UBQLN1: variants seen among roughly 807,000 people sequenced by gnomAD.
The protein encoded by UBQLN1 is ubiquilin 1.
A neutral mutation model predicts 65.4 loss-of-function variants in UBQLN1; 13 were observed. That is an observed-to-expected ratio of 0.20 (90% CI 0.13 to 0.32). The LOEUF (loss-of-function observed/expected upper bound fraction) is 0.32. Ranked by LOEUF, UBQLN1 falls within the 10% of genes least tolerant of loss-of-function variation. The pLI, the probability that UBQLN1 is intolerant of heterozygous loss-of-function variation, is 1.00. For missense variants in UBQLN1, 561 were observed against 724.0 expected (o/e 0.77, Z 2.58); for synonymous variants, 267 against 247.8 (o/e 1.08, Z -0.73).
chr9:83,681,281 T>G (rs1831935804), intron 3 of UBQLN1, among the ~76,000 whole-genome samples: 2 of 152,250 alleles, frequency 1.3e-5, no homozygotes, highest in African/African-American at 4.8e-5. Context: ...TAAAATTACA[T>G]AACCAACTAA....
intron 10 of UBQLN1, 24 bp from the exon 11 acceptor site, chr9:83,661,963 T>G (rs778218868): frequency 6.3e-7 from 1 of 1,598,720 alleles, no homozygotes; most frequent in South Asian, 1.1e-5. Flanking sequence ...AAAAAATTAA[T>G]CCAACTCTAA....
intron 1 of UBQLN1, among the ~76,000 whole-genome samples, chr9:83,690,168 C>T (rs1832103026): frequency 6.6e-6 from 1 of 152,196 alleles, no homozygotes; most frequent in African/African-American, 2.4e-5. Flanking sequence ...ACCAATATTA[C>T]TTGTATTGGC....
At chr9:83,662,147 T>C (rs1030851344) in intron 10 of UBQLN1, among the ~76,000 whole-genome samples, 5 of 152,086 alleles carry the variant, frequency 3.3e-5, no homozygotes, top group African/African-American at 7.2e-5. Flanking sequence ...TAAATAATCA[T>C]GTCAAATAGA....
At chr9:83,706,528 TA>T (rs1564175730) in intron 1 of UBQLN1, among the ~76,000 whole-genome samples, 1 of 152,200 alleles carries the variant, frequency 6.6e-6, no homozygotes, top group East Asian at 1.9e-4. Context: ...GGGAAACTGA[TA>T]GGTACATTTC....
chr9:83,699,873 G>T (rs1325846597), intron 1 of UBQLN1, among the ~76,000 whole-genome samples: 1 of 152,162 alleles, frequency 6.6e-6, no homozygotes, highest in Non-Finnish European at 1.5e-5. Context: ...CCAGTTTGCT[G>T]GCCTCTGCCC....
At chr9:83,666,457 T>C in intron 7 of UBQLN1, 24 bp from the exon 8 acceptor site, 1 of 1,608,576 alleles carries the variant, frequency 6.2e-7, no homozygotes, top group Non-Finnish European at 8.5e-7. Context: ...GTTCAAACAA[T>C]TTTAACTGGA....
chr9:83,682,199 C>T (rs781606776), intron 3 of UBQLN1, among the ~76,000 whole-genome samples: 5 of 151,942 alleles, frequency 3.3e-5, no homozygotes, highest in African/African-American at 4.8e-5. Flanking sequence ...GCAGAAGAAT[C>T]GCTTGAACCC....
chr9:83,706,213 G>GC (rs772554482), intron 1 of UBQLN1, among the ~76,000 whole-genome samples: 17 of 152,160 alleles, frequency 1.1e-4, no homozygotes, highest in Admixed American at 5.2e-4. Flanking sequence ...ACTGATACGT[G>GC]CAACTTACTC....
At chr9:83,678,223 G>A (rs984612817) in intron 5 of UBQLN1, among the ~76,000 whole-genome samples, 15 of 152,026 alleles carry the variant, frequency 9.9e-5, no homozygotes, top group East Asian at 1.9e-4. Flanking sequence ...GGATTTCACC[G>A]TATTAGCCAG....
At position 83,660,470 on chromosome 9, in the gene UBQLN1, C is replaced by G. The variant is rs1831545524; in HGVS notation, c.*1317G>C. 1 of 152,538 alleles carries G rather than the reference C, an allele frequency of 6.6e-6. No homozygotes were observed. Among genetic ancestry groups the G allele is most frequent in the Non-Finnish European group, 1.5e-5 (1 of 68,034 alleles). The allele number at this position is 152,538 out of a possible 1,614,324, so 9.4% of individuals were successfully genotyped here. Reference sequence around the variant, plus strand: ...CCACCCCAACAGTTTGGGAGTTAGGCAAACAGAATTCTTTGGGGGAGGGAA... The same window carrying G: ...CCACCCCAACAGTTTGGGAGTTAGGGAAACAGAATTCTTTGGGGGAGGGAA... On this transcript the variant is annotated 3_prime_UTR_variant, in exon 11 of 11. Coordinates refer to ENST00000376395, the MANE Select transcript of UBQLN1 (RefSeq NM_013438.5).
chr9:83,670,391 T>C (rs963585642), intron 6 of UBQLN1, among the ~76,000 whole-genome samples: 1 of 152,190 alleles, frequency 6.6e-6, no homozygotes, highest in African/African-American at 2.4e-5. Flanking sequence ...AGTTTTTTTT[T>C]CACATCCTAG....
At position 83,678,552 on chromosome 9, in the gene UBQLN1, C is replaced by A; in HGVS notation, c.759G>T (p.Arg253Ser). The change falls in exon 5 of 11, where the codon AGG becomes AGT. Residue 253 changes from arginine (R) to serine (S), a missense_variant. By Grantham distance (110) the Arg-to-Ser change is moderately radical (BLOSUM62 -1). Transcript: ENST00000376395. ...RNPAMMQEMMRNQDRALSNLE... is the reference protein window; with the variant it reads ...RNPAMMQEMMSNQDRALSNLE... ...GGTTGCTCAAAGCTCGGTCCTGGTTCCTCATCATCTCCTGCATCATTGCTG... is the reference window on the plus strand; with the variant it reads ...GGTTGCTCAAAGCTCGGTCCTGGTTACTCATCATCTCCTGCATCATTGCTG... The A allele has an allele frequency of 6.2e-7, 1 of 1,613,614 alleles. No homozygotes were observed. Among genetic ancestry groups the A allele is most frequent in the Non-Finnish European group, 8.5e-7 (1 of 1,179,806 alleles).
intron 7 of UBQLN1, 130 bp downstream of exon 7, chr9:83,669,055 A>G (rs1021227969): frequency 5.5e-6 from 6 of 1,087,970 alleles, no homozygotes; most frequent in Middle Eastern, 3.1e-4. Context: ...AAAATTGGAG[A>G]CACAGTTTAC....
intron 6 of UBQLN1, among the ~76,000 whole-genome samples, chr9:83,673,280 T>C (rs1831765135): frequency 6.6e-6 from 1 of 151,286 alleles, no homozygotes. Flanking sequence ...GACTTACACC[T>C]GTAATCCTAG....
Position 83,678,597 on chromosome 9 carries a change from C to A in UBQLN1, c.714G>T (p.Thr238=), listed in dbSNP as rs559447667. 2 of 1,587,024 alleles carry A rather than the reference C, an allele frequency of 1.3e-6. No individual in the cohort carries two copies. The highest frequency in any genetic ancestry group is 1.2e-5 in the South Asian group (1 of 85,274). Reference sequence around the variant, plus strand: ...TTGCTGGATTCCTGGCAAGTTCCAACGTCTACGAAAAATATTTCCAAAAAA... The same window carrying A: ...TTGCTGGATTCCTGGCAAGTTCCAAAGTCTACGAAAAATATTTCCAAAAAA... ...MLNNPDIMRQ[T]LELARNPAMM... The change falls in exon 5 of 11, where the codon ACG becomes ACT. Residue 238 remains threonine (T), a splice_region_variant and synonymous_variant. Coordinates refer to ENST00000376395, the MANE Select transcript of UBQLN1 (RefSeq NM_013438.5).
At chr9:83,681,577 GAGGGGGACTGAATACT>G (rs1460104114) in intron 3 of UBQLN1, among the ~76,000 whole-genome samples, 2 of 152,224 alleles carry the variant, frequency 1.3e-5, no homozygotes, top group Non-Finnish European at 2.9e-5. Flanking sequence ...AGAAGGTTAG[GAGGGGGACTGAATACT>G]AGGCACAATG....
intron 3 of UBQLN1, 80 bp from the exon 4 acceptor site, chr9:83,680,117 A>ACC (rs1831916174): frequency 7.0e-7 from 1 of 1,418,840 alleles, no homozygotes; most frequent in East Asian, 2.4e-5. Context: ...TGAAGATGCA[A>ACC]AAAAGTATTA....
At chr9:83,692,380 C>T (rs1160529355) in intron 1 of UBQLN1, among the ~76,000 whole-genome samples, 1 of 152,026 alleles carries the variant, frequency 6.6e-6, no homozygotes, top group Non-Finnish European at 1.5e-5. Flanking sequence ...AACATTTGAA[C>T]GTAACTTCCT....
chr9:83,690,915 A>C (rs1000109798), intron 1 of UBQLN1, among the ~76,000 whole-genome samples: 3 of 152,176 alleles, frequency 2.0e-5, no homozygotes, highest in African/African-American at 4.8e-5. Flanking sequence ...AGGCGGGTGG[A>C]TCACCTGAGG....
Sources: allele counts gnomAD v4.1 joint callset (sites outside exome capture counted in the v4.1 genomes callset), GRCh38; gene constraint gnomAD v4.1.1; transcripts MANE v1.5; gene names NCBI Gene and HGNC (gene_info 2026-07-23, HGNC 2026-07-21).